The following CCDC171 variants were observed in gnomAD, a reference collection of about 807,000 sequenced individuals.
CCDC171 encodes coiled-coil domain containing 171.
Under a neutral mutation model 168.2 loss-of-function variants are expected in CCDC171, and 177 were observed. The observed-to-expected ratio is 1.05, with a 90% CI of 0.93 to 1.19. The LOEUF is 1.19. CCDC171 is among the 50% of genes most tolerant of loss of function. The probability of loss-of-function intolerance (pLI) is 0.00; values close to 1 mark genes in which losing one functional copy is unlikely to be tolerated. For missense variants in CCDC171, 1,991 were observed against 1,539.0 expected (o/e 1.29, Z -4.91); for synonymous variants, 687 against 540.8 (o/e 1.27, Z -3.75).
exon 2 of CCDC171, chr9:16,060,802 C>T (rs893408614): frequency 5.3e-5 from 8 of 152,184 alleles, no homozygotes; most frequent in African/African-American, 1.9e-4. Flanking sequence ...CAGAGTGGAC[C>T]ACAAATGAAT....
intron 21 of CCDC171, among the ~76,000 whole-genome samples, chr9:15,831,162 C>T (rs776466921): frequency 6.6e-5 from 10 of 151,614 alleles, no homozygotes; most frequent in Non-Finnish European, 1.0e-4. Context: ...TTAGTAGAGA[C>T]GGAGTTTCAC....
At chr9:15,649,130 A>G (rs1564134884) in intron 7 of CCDC171, among the ~76,000 whole-genome samples, 2 of 152,228 alleles carry the variant, frequency 1.3e-5, no homozygotes, top group South Asian at 2.1e-4. Context: ...CAAACCTGAC[A>G]AAAACAGGAA....
rs1232955052 is a variant in CCDC171, at chr9:15,942,283, G to C, written c.3753+21861G>C. Among the ~76,000 whole-genome samples the C allele has an allele frequency of 1.4e-4, 22 of 151,966 alleles. No homozygotes were observed. In the Admixed American group the frequency reaches 1.4e-3, roughly 10 times the overall value. The stretch of plus-strand genomic sequence containing the variant: ...ATAAATTCCAAATTATGTGGATCAA[G>C]TTAAAGTTCATAAGCCTATTTGGAA... On this transcript the variant is annotated intron_variant, in intron 25 of 25. Transcript: ENST00000380701.
intron 3 of CCDC171, among the ~76,000 whole-genome samples, chr9:15,997,606 C>T (rs1352800299): frequency 1.3e-5 from 2 of 150,478 alleles, no homozygotes; most frequent in East Asian, 1.9e-4. Context: ...ACTACAGCCC[C>T]TGTTGCTGTA....
chr9:15,641,187 C>T (rs995017192), intron 7 of CCDC171, among the ~76,000 whole-genome samples: 1 of 152,058 alleles, frequency 6.6e-6, no homozygotes, highest in Non-Finnish European at 1.5e-5. Flanking sequence ...TCTATTTATA[C>T]AAGTTATTGA....
At chr9:15,945,804 C>A (rs966288760) in intron 25 of CCDC171, among the ~76,000 whole-genome samples, 2 of 151,636 alleles carry the variant, frequency 1.3e-5, no homozygotes, top group Non-Finnish European at 2.9e-5. Flanking sequence ...GTGTAGGTTG[C>A]GAAGATTTTC....
intron 9 of CCDC171, among the ~76,000 whole-genome samples, chr9:15,670,977 A>C (rs866775617): frequency 6.6e-6 from 1 of 152,106 alleles, no homozygotes; most frequent in Non-Finnish European, 1.5e-5. Context: ...TTGTAGTCCC[A>C]GCTACTTGGG....
Position 15,820,107 on chromosome 9 carries a change from A to T in CCDC171, c.3268-26595A>T, listed in dbSNP as rs1231780027. On this transcript the variant is annotated intron_variant, in intron 21 of 25. Coordinates refer to ENST00000380701, the MANE Select transcript of CCDC171 (RefSeq NM_173550.4). ...GAATGACTACTGGGTACATAACAAA[A>T]TGAAGGCAGAAATAAAGGTGTTCTT... is the stretch of plus-strand genomic sequence containing the variant. Among the ~76,000 whole-genome samples the T allele has an allele frequency of 9.3e-5, 11 of 118,030 alleles. 3 individuals carry two copies. The highest frequency in any genetic ancestry group is 2.1e-4 in the Non-Finnish European group (11 of 52,626). The allele number at this position is 118,030 out of a possible 152,430, so 77.4% of individuals were successfully genotyped here.
chr9:16,089,068 C>G, the CCDC171 span, among the ~76,000 whole-genome samples: 42 of 152,190 alleles, frequency 2.8e-4, no homozygotes, highest in Admixed American at 1.5e-3. Flanking sequence ...ACAGCTACAA[C>G]AATCTGATCT....
intron 25 of CCDC171, among the ~76,000 whole-genome samples, chr9:15,946,718 T>C (rs895289704): frequency 2.0e-5 from 3 of 152,006 alleles, no homozygotes; most frequent in Non-Finnish European, 4.4e-5. Context: ...GCCAAGTCAA[T>C]CCTAAGCCAA....
chr9:15,737,396 A>T (rs1189308440), intron 16 of CCDC171, among the ~76,000 whole-genome samples: 1 of 152,176 alleles, frequency 6.6e-6, no homozygotes, highest in African/African-American at 2.4e-5. Flanking sequence ...AGATGGTCAA[A>T]GTTTGAGGAG....
In CCDC171 at chr9:15,784,586, A is replaced by C. The variant is rs1026278676; in HGVS notation, c.3159A>C (p.Gln1053His). 1 of 1,613,090 alleles carries C rather than the reference A, an allele frequency of 6.2e-7. No homozygotes were observed. The highest frequency in any genetic ancestry group is 1.3e-5 in the African/African-American group (1 of 75,016). ...CATTACTTCGGGAAGAGCAGGCACA[A>C]ATGCTATTGAATGAACAGGCACAAC... ...NNALLREEQA[Q>H]MLLNEQAQQL... Residue 1053 changes from glutamine to histidine, a missense_variant, in exon 21 of 26, where the codon CAA (glutamine) becomes CAC (histidine). Physicochemically the swap from Gln to His is conservative, Grantham distance 24. Transcript: ENST00000380701.
In CCDC171 at chr9:15,595,025, A is replaced by G. The variant is rs183122984; in HGVS notation, c.675+853A>G. Among the ~76,000 whole-genome samples the G allele has an allele frequency of 4.7e-4, 71 of 152,326 alleles. No individual in the cohort carries two copies. In the East Asian group the frequency reaches 0.012, roughly 25 times the overall value. ...AATAACCTTTCTATAGATGTCAAAG[A>G]TATGCATTTTTCACAAGAATGAAAA... On this transcript the variant is annotated intron_variant, in intron 6 of 25. Transcript: ENST00000380701.
chr9:15,691,570 A>ATATATATATATG (rs1381392597), intron 10 of CCDC171, among the ~76,000 whole-genome samples: 6 of 145,410 alleles, frequency 4.1e-5, no homozygotes, highest in African/African-American at 1.5e-4. Context: ...ATATATATAT[A>ATATATATATATG]TGTACACATA....
intron 1 of CCDC171, among the ~76,000 whole-genome samples, chr9:15,555,006 C>T (rs1005421143): frequency 3.3e-5 from 5 of 152,096 alleles, no homozygotes; most frequent in Non-Finnish European, 2.9e-5. Context: ...TCTGTGCAGA[C>T]ACACTGAAAG....
At chr9:15,995,909 T>C (rs1193445592) in intron 3 of CCDC171, among the ~76,000 whole-genome samples, 1 of 152,154 alleles carries the variant, frequency 6.6e-6, no homozygotes. Context: ...ACAATCCAGA[T>C]CTTCATGTAT....
chr9:15,648,751 T>C (rs377033136), intron 7 of CCDC171, among the ~76,000 whole-genome samples: 3 of 151,946 alleles, frequency 2.0e-5, no homozygotes, highest in Non-Finnish European at 4.4e-5. Flanking sequence ...TAAAAGAGGA[T>C]ACAAACAAAT....
chr9:15,602,956 C>G (rs570705518), intron 6 of CCDC171, among the ~76,000 whole-genome samples: 7 of 151,920 alleles, frequency 4.6e-5, no homozygotes, highest in African/African-American at 1.7e-4. Context: ...TCTCGCCTAG[C>G]CTTATTTAAT....
intron 25 of CCDC171, among the ~76,000 whole-genome samples, chr9:15,925,149 A>G: frequency 6.6e-6 from 1 of 151,628 alleles, no homozygotes. Flanking sequence ...CACACTAAAT[A>G]ATGTGTAATT....
Sources: gnomAD v4.1 joint callset for allele counts (sites outside exome capture counted in the v4.1 genomes callset) on GRCh38, gnomAD v4.1.1 for gene constraint, MANE v1.5 for transcripts, NCBI Gene and HGNC (gene_info 2026-07-23, HGNC 2026-07-21) for gene names.